ZNF557: variants seen among roughly 807,000 people sequenced by gnomAD.
The protein encoded by ZNF557 is CTB-25J19.9.
In ZNF557, 19 loss-of-function variants were observed where a neutral mutation model predicts 21.2. That is an observed-to-expected ratio of 0.90 (90% confidence interval 0.63 to 1.32). ZNF557 has a LOEUF of 1.32. Ranked by LOEUF, ZNF557 falls within the 40% of genes most tolerant of loss-of-function variation. The pLI, the probability that ZNF557 is intolerant of heterozygous loss-of-function variation, is 0.00. For missense variants in ZNF557, 487 were observed against 519.8 expected (o/e 0.94, Z 0.61); for synonymous variants, 207 against 194.8 (o/e 1.06, Z -0.52).
In ZNF557 at chr19:7,083,828, C is replaced by T; in HGVS notation, c.*84C>T. 8 of 1,483,996 alleles carry T rather than the reference C, an allele frequency of 5.4e-6. No individual in the cohort carries two copies. Among genetic ancestry groups the T allele is most frequent in the Non-Finnish European group, 7.2e-6 (8 of 1,104,854 alleles). The allele number at this position is 1,483,996 out of a possible 1,614,324, so 91.9% of individuals were successfully genotyped here. On this transcript the variant is annotated 3_prime_UTR_variant, in exon 8 of 8. Coordinates refer to ENST00000252840, the MANE Select transcript of ZNF557 (RefSeq NM_024341.3). Reference sequence around the variant, plus strand: ...AACTCTAACAAGATGTATGAATCACCTGCTACTGTGTAACAAATTACCCCC... The same window carrying T: ...AACTCTAACAAGATGTATGAATCACTTGCTACTGTGTAACAAATTACCCCC...
chr19:7,075,824 C>A (rs1464792238), intron 4 of ZNF557, 81 bp downstream of exon 4: 2 of 1,561,514 alleles, frequency 1.3e-6, no homozygotes, highest in African/African-American at 2.7e-5. Flanking sequence ...GGCCTGGAGC[C>A]CCACGGCCAA....
chr19:7,087,948 C>T lies in ZNF557; in HGVS notation c.*4204C>T, dbSNP rs1470539744. On this transcript the variant is annotated 3_prime_UTR_variant, in exon 8 of 8. Coordinates refer to ENST00000252840, the MANE Select transcript of ZNF557 (RefSeq NM_024341.3). ...GATAGAGGTATATTAAAGTCTTCCA[C>T]TAGCATGGTAGATTAACAAATTCTT... 6.6e-6 allele frequency: 1 copy of T among 152,130 alleles called. No individual in the cohort carries two copies. The highest frequency in any genetic ancestry group is 1.5e-5 in the Non-Finnish European group (1 of 68,030). The allele number at this position is 152,130 out of a possible 1,614,324, so 9.4% of individuals were successfully genotyped here.
At chr19:7,082,303 A>G (rs1238119774) in intron 7 of ZNF557, among the ~76,000 whole-genome samples, 1 of 151,690 alleles carries the variant, frequency 6.6e-6, no homozygotes, top group African/African-American at 2.4e-5. Flanking sequence ...CGCACCTGTA[A>G]TCCCAAATAC....
At chr19:7,075,816 C>A in intron 4 of ZNF557, 73 bp downstream of exon 4, 1 of 1,571,738 alleles carries the variant, frequency 6.4e-7, no homozygotes, top group Non-Finnish European at 8.7e-7. Flanking sequence ...CTTTCAGTGG[C>A]CTGGAGCCCC....
rs1267375633 is a variant in ZNF557 at position 7,081,200 on chromosome 19, TGA to T, written c.248-158_248-157del. 6.3e-3 allele frequency among the ~76,000 whole-genome samples: 244 copies of T among 38,680 alleles called. 1 individual carries two copies. Among genetic ancestry groups the T allele is most frequent in the African/African-American group, 0.019 (92 of 4,958 alleles). The allele number at this position is 38,680 out of a possible 152,430, so 25.4% of individuals were successfully genotyped here. ...GTGTGTGTGTGTGTGTGTGTGTGTG[TGA>T]GTGTTTAAGACGGTTGCTATATTTA... is the stretch of plus-strand genomic sequence containing the variant. On this transcript the variant is annotated intron_variant, in intron 5 of 7. Coordinates refer to ENST00000252840, the MANE Select transcript of ZNF557 (RefSeq NM_024341.3).
Position 7,082,991 on chromosome 19 carries a change from T to C in ZNF557, c.540T>C (p.Tyr180=). The change falls in exon 8 of 8, where the codon TAT becomes TAC. Residue 180 remains tyrosine, a synonymous_variant. Coordinates refer to ENST00000252840, the MANE Select transcript of ZNF557 (RefSeq NM_024341.3). ...HRKIHTGERP[Y]GCSECGKSYS... ...AGATTCATACTGGAGAAAGACCCTA[T>C]GGCTGCAGTGAATGTGGGAAATCCT... 1.2e-6 allele frequency: 2 copies of C among 1,614,214 alleles called. No homozygotes were observed. The highest frequency in any genetic ancestry group is 1.7e-6 in the Non-Finnish European group (2 of 1,180,030).
rs769154180 is a variant in ZNF557 at position 7,075,667 on chromosome 19, T to C, written c.44T>C (p.Leu15Pro). The change falls in exon 4 of 8, where the codon CTG becomes CCG. Residue 15 changes from leucine (L) to proline (P), a missense_variant. Coordinates refer to ENST00000252840, the MANE Select transcript of ZNF557 (RefSeq NM_024341.3). ...VLPPTAALSS[L>P]FPASQREGHT... Reference sequence around the variant, plus strand: ...TCTCCTCCTCCAGCTCTGTCTTCCCTGTTCCCAGCCTCTCAGCGAGAAGGA... The same window carrying C: ...TCTCCTCCTCCAGCTCTGTCTTCCCCGTTCCCAGCCTCTCAGCGAGAAGGA... The C allele has an allele frequency of 6.2e-7, 1 of 1,613,560 alleles. No individual in the cohort carries two copies. Among genetic ancestry groups the C allele is most frequent in the South Asian group, 1.1e-5 (1 of 91,078 alleles).
chr19:7,077,112 C>G (rs1002190902), intron 5 of ZNF557, among the ~76,000 whole-genome samples: 3 of 139,614 alleles, frequency 2.1e-5, no homozygotes, highest in Non-Finnish European at 4.7e-5. Context: ...TCACTTTTTG[C>G]TTAGCATAAT....
chr19:7,076,347 C>A, intron 4 of ZNF557, 34 bp from the exon 5 acceptor site: 2 of 1,614,068 alleles, frequency 1.2e-6, no homozygotes, highest in Non-Finnish European at 1.7e-6. Context: ...TGGGGGTGGT[C>A]CTTGGCTAAG....
intron 2 of ZNF557, among the ~76,000 whole-genome samples, chr19:7,072,501 A>G (rs780559279): frequency 5.4e-4 from 83 of 152,294 alleles, no homozygotes; most frequent in Non-Finnish European, 9.0e-4. Flanking sequence ...ACTGCCTCTC[A>G]TGTTCAAACT....
intron 2 of ZNF557, among the ~76,000 whole-genome samples, chr19:7,073,594 C>T (rs937302422): frequency 6.6e-6 from 1 of 152,104 alleles, no homozygotes; most frequent in African/African-American, 2.4e-5. Context: ...GTCAGAGACA[C>T]TTGGCAGCTA....
At chr19:7,070,522 A>G (rs939453188) in intron 1 of ZNF557, 40 bp from the exon 2 acceptor site, 78 of 152,146 alleles carry the variant, frequency 5.1e-4, no homozygotes, top group African/African-American at 1.8e-3. Flanking sequence ...TACTCCCTAC[A>G]AAAGGCCTCA....
At position 7,081,321 on chromosome 19, in the gene ZNF557, A is replaced by C. The variant is rs748365728; in HGVS notation, c.248-39A>C. ...TTTCATGGGAGAGCTTGTCTGCTGC[A>C]CAGTCCCCCTACATCATGTGTCTTT... is the stretch of plus-strand genomic sequence containing the variant. On this transcript the variant is annotated intron_variant, in intron 5 of 7. Coordinates refer to ENST00000252840, the MANE Select transcript of ZNF557 (RefSeq NM_024341.3). 20 of 1,402,816 alleles carry C rather than the reference A, an allele frequency of 1.4e-5. No homozygotes were observed. The South Asian group carries it at 2.1e-4, about 15-fold the overall frequency. 86.9% of individuals were successfully genotyped at this position (1,402,816 alleles called of 1,614,324 possible). A position where few individuals can be genotyped will look rare whatever the true frequency, so the allele number is the denominator to read the frequency against.
rs563866648 is a variant in ZNF557 at position 7,085,041 on chromosome 19, T to C, written c.*1297T>C. Reference sequence around the variant, plus strand: ...AAGCACAAGACAGTATAGTTTGGTATGCTATAAAAGCCTTGAATATTCTCT... The same window carrying C: ...AAGCACAAGACAGTATAGTTTGGTACGCTATAAAAGCCTTGAATATTCTCT... On this transcript the variant is annotated 3_prime_UTR_variant, in exon 8 of 8. Coordinates refer to ENST00000252840, the MANE Select transcript of ZNF557 (RefSeq NM_024341.3). 3.3e-5 allele frequency: 5 copies of C among 152,322 alleles called. No individual in the cohort carries two copies. In the East Asian group the frequency reaches 9.6e-4, roughly 29 times the overall value. 9.4% of individuals were successfully genotyped at this position (152,322 alleles called of 1,614,324 possible). A position where few individuals can be genotyped will look rare whatever the true frequency, so the allele number is the denominator to read the frequency against.
At chr19:7,079,287 G>T (rs571467137) in intron 5 of ZNF557, among the ~76,000 whole-genome samples, 1 of 136,360 alleles carries the variant, frequency 7.3e-6, no homozygotes, top group Non-Finnish European at 1.5e-5. Context: ...TGTCACCCAG[G>T]CTGGAGTGCA....
chr19:7,071,163 T>A (rs1198749028), intron 2 of ZNF557, among the ~76,000 whole-genome samples: 2 of 152,204 alleles, frequency 1.3e-5, no homozygotes, highest in South Asian at 4.1e-4. Context: ...TACAGCTATA[T>A]GCAAATCAGT....
At chr19:7,077,133 T>TTTC (rs1599840852) in intron 5 of ZNF557, among the ~76,000 whole-genome samples, 4 of 13,020 alleles carry the variant, frequency 3.1e-4, no homozygotes, top group South Asian at 3.5e-3. Flanking sequence ...GTTTTCTTTC[T>TTTC]TTTTTTTTTT....
rs1471256575 is a variant in ZNF557 at position 7,084,672 on chromosome 19, AT to A, written c.*929del. 1.3e-5 allele frequency: 2 copies of A among 152,162 alleles called. No individual in the cohort carries two copies. The highest frequency in any genetic ancestry group is 2.9e-5 in the Non-Finnish European group (2 of 68,046). The allele number at this position is 152,162 out of a possible 1,614,324, so 9.4% of individuals were successfully genotyped here. ...CCAGCCAACTTCTAAACTGATCAAT[AT>A]GGGAGTAGCATTCAATCACCCACAG... On this transcript the variant is annotated 3_prime_UTR_variant, in exon 8 of 8. Coordinates refer to ENST00000252840, the MANE Select transcript of ZNF557 (RefSeq NM_024341.3).
intron 2 of ZNF557, among the ~76,000 whole-genome samples, chr19:7,074,396 A>G (rs1033161755): frequency 6.6e-6 from 1 of 151,354 alleles, no homozygotes; most frequent in East Asian, 1.9e-4. Context: ...CATTCCATAT[A>G]TGCTATTTGG....
Sources: gnomAD v4.1 joint callset for allele counts (sites outside exome capture counted in the v4.1 genomes callset) on GRCh38, gnomAD v4.1.1 for gene constraint, MANE v1.5 for transcripts, NCBI Gene and HGNC (gene_info 2026-07-23, HGNC 2026-07-21) for gene names.